CADM2: variants seen among roughly 807,000 people sequenced by gnomAD.
The protein encoded by CADM2 is cell adhesion molecule 2, also known as immunoglobulin superfamily member 4D.
CADM2 carries 12 observed loss-of-function variants against 49.8 expected under a neutral mutation model. The observed-to-expected ratio is 0.24, with a 90% CI of 0.15 to 0.39. CADM2 has a LOEUF of 0.39. CADM2 is among the 10% of genes least tolerant of loss of function. The pLI, the probability that CADM2 is intolerant of heterozygous loss-of-function variation, is 1.00. For synonymous variants in CADM2, 214 were observed against 175.4 expected (o/e 1.22, Z -1.74); for missense variants, 378 against 492.3 (o/e 0.77, Z 2.20).
At chr3:86,029,860 A>G (rs1734351573) in intron 8 of CADM2, among the ~76,000 whole-genome samples, 3 of 152,026 alleles carry the variant, frequency 2.0e-5, no homozygotes, top group Admixed American at 2.0e-4. Context: ...ATGAGTCATC[A>G]AGATGGAATC....
At chr3:85,030,510 A>G (rs758470879) in intron 1 of CADM2, among the ~76,000 whole-genome samples, 3 of 152,136 alleles carry the variant, frequency 2.0e-5, no homozygotes, top group Non-Finnish European at 2.9e-5. Flanking sequence ...TCTCACTGCT[A>G]ATGAAAATCA....
intron 2 of CADM2, among the ~76,000 whole-genome samples, chr3:85,789,661 TA>T (rs2071211502): frequency 6.6e-6 from 1 of 152,212 alleles, no homozygotes; most frequent in Non-Finnish European, 1.5e-5. Context: ...TTGAATAAAC[TA>T]TGGTTTGAAT....
chr3:85,749,055 G>A (rs2068750193), intron 2 of CADM2, among the ~76,000 whole-genome samples: 1 of 151,784 alleles, frequency 6.6e-6, no homozygotes, highest in Non-Finnish European at 1.5e-5. Context: ...AGAATAACAA[G>A]AGAAATTCAT....
intron 1 of CADM2, among the ~76,000 whole-genome samples, chr3:85,701,906 TAGATATAA>T (rs1320807460): frequency 1.1e-4 from 14 of 125,814 alleles, no homozygotes; most frequent in African/African-American, 3.9e-4. Context: ...GATAGATAGA[TAGATATAA>T]AGAAAAAGGA....
intron 1 of CADM2, among the ~76,000 whole-genome samples, chr3:85,089,531 T>A (rs1329094751): frequency 2.0e-5 from 3 of 152,172 alleles, no homozygotes; most frequent in Non-Finnish European, 4.4e-5. Context: ...TTGACTCACA[T>A]AAATGATTTT....
At chr3:85,009,004 A>G (rs537152819) in intron 1 of CADM2, among the ~76,000 whole-genome samples, 254 of 152,312 alleles carry the variant, frequency 1.7e-3, no homozygotes, top group Middle Eastern at 6.8e-3. Context: ...TGGGATTGCC[A>G]TAGTTCTGGT....
intron 1 of CADM2, among the ~76,000 whole-genome samples, chr3:85,027,882 T>C (rs2034805566): frequency 6.6e-6 from 1 of 152,192 alleles, no homozygotes; most frequent in South Asian, 2.1e-4. Flanking sequence ...AAACCAGTCT[T>C]AACTTGAACA....
chr3:85,541,746 T>TTATATTTTATA (rs2061546892), intron 1 of CADM2, among the ~76,000 whole-genome samples: 1 of 27,774 alleles, frequency 3.6e-5, no homozygotes, highest in African/African-American at 6.4e-5. Context: ...TATATATATT[T>TTATATTTTATA]TATATATTTT....
intron 2 of CADM2, among the ~76,000 whole-genome samples, chr3:85,739,968 T>G (rs2068309866): frequency 6.6e-6 from 1 of 152,190 alleles, no homozygotes; most frequent in South Asian, 2.1e-4. Context: ...AAATATTTAA[T>G]TCTTATTCTC....
chr3:85,797,648 C>T (rs2071709630), intron 2 of CADM2, among the ~76,000 whole-genome samples: 4 of 152,094 alleles, frequency 2.6e-5, no homozygotes, highest in African/African-American at 9.7e-5. Context: ...TTTTCTTTAT[C>T]CAGTCTAACA....
rs1198448716 is a variant in CADM2, at chr3:85,887,907, G to A, written c.529+1580G>A. 2.6e-5 allele frequency among the ~76,000 whole-genome samples: 4 copies of A among 152,200 alleles called. No homozygotes were observed. In the East Asian group the frequency reaches 7.7e-4, roughly 29 times the overall value. On this transcript the variant is annotated intron_variant, in intron 5 of 9. Coordinates refer to ENST00000383699, the MANE Select transcript of CADM2 (RefSeq NM_001167675.2). ...TTTTCTGGCTTAAGCATTTCTAATG[G>A]AAAGCCCTAAACTTTAGAATAAGTT...
At chr3:85,166,361 G>T (rs978184559) in intron 1 of CADM2, among the ~76,000 whole-genome samples, 3 of 151,672 alleles carry the variant, frequency 2.0e-5, no homozygotes, top group Non-Finnish European at 4.4e-5. Context: ...ATGGAAATTT[G>T]ATTATTTTAT....
At chr3:85,912,322 C>T in intron 5 of CADM2, 51 bp from the exon 6 acceptor site, 1 of 1,358,410 alleles carries the variant, frequency 7.4e-7, no homozygotes, top group Non-Finnish European at 1.0e-6. Flanking sequence ...TAAATGCAAT[C>T]TGTTTTATTT....
intron 1 of CADM2, among the ~76,000 whole-genome samples, chr3:85,143,225 G>C (rs1323258132): frequency 6.6e-6 from 1 of 152,164 alleles, no homozygotes; most frequent in Non-Finnish European, 1.5e-5. Flanking sequence ...GCTCATGCCT[G>C]TAATCTTAGC....
chr3:85,004,579 A>G lies in CADM2; in HGVS notation c.61+44911A>G, dbSNP rs76999340. ...GAGATGCCTAACTGAGATTCTGGGT[A>G]GGGATAAATGAAATACATTTTCTTG... On this transcript the variant is annotated intron_variant, in intron 1 of 9. Coordinates refer to ENST00000383699, the MANE Select transcript of CADM2 (RefSeq NM_001167675.2). Among the ~76,000 whole-genome samples the G allele has an allele frequency of 6.3e-3, 966 of 152,244 alleles. 16 individuals carry two copies. Among genetic ancestry groups the G allele is most frequent in the African/African-American group, 0.022 (924 of 41,552 alleles).
chr3:85,475,714 T>G (rs2038948825), intron 1 of CADM2, among the ~76,000 whole-genome samples: 1 of 151,950 alleles, frequency 6.6e-6, no homozygotes, highest in Admixed American at 6.6e-5. Flanking sequence ...ACATTATATT[T>G]ATCCAGCAAT....
In CADM2 at chr3:86,066,332, C is replaced by CAAAAAAAAAAAAAAAAAAAA. The variant is rs10663610; in HGVS notation, c.1097-326_1097-307dup. ...TGGGCGAGAGAGCGAGACTCCGTCTCAAAAAAAAAAAAAAAAAAAAAAAAA... is the reference window on the plus strand; with the variant it reads ...TGGGCGAGAGAGCGAGACTCCGTCTCAAAAAAAAAAAAAAAAAAAAAAAAAAAAAAAAAAAAAAAAAAAAA... On this transcript the variant is annotated intron_variant, in intron 9 of 9. Coordinates refer to ENST00000383699, the MANE Select transcript of CADM2 (RefSeq NM_001167675.2). Among the ~76,000 whole-genome samples, 35 of 30,360 alleles carry CAAAAAAAAAAAAAAAAAAAA rather than the reference C, an allele frequency of 1.2e-3. 7 individuals carry two copies. The highest frequency in any genetic ancestry group is 4.7e-3 in the African/African-American group (22 of 4,674). 19.9% of individuals were successfully genotyped at this position (30,360 alleles called of 152,430 possible).
chr3:85,618,901 C>A (rs536593734), intron 1 of CADM2, among the ~76,000 whole-genome samples: 96 of 151,832 alleles, frequency 6.3e-4, no homozygotes, highest in Non-Finnish European at 5.7e-4. Flanking sequence ...GTAAAAGAGG[C>A]ATAGTTGTGG....
At chr3:86,012,224 T>C (rs1731596059) in intron 8 of CADM2, among the ~76,000 whole-genome samples, 1 of 152,152 alleles carries the variant, frequency 6.6e-6, no homozygotes, top group Non-Finnish European at 1.5e-5. Context: ...ATATGAAACA[T>C]CTTCTCTTTT....
Sources: allele counts gnomAD v4.1 joint callset (sites outside exome capture counted in the v4.1 genomes callset), GRCh38; gene constraint gnomAD v4.1.1; transcripts MANE v1.5; gene names NCBI Gene and HGNC (gene_info 2026-07-23, HGNC 2026-07-21).